ST18: variants seen among roughly 807,000 people sequenced by gnomAD.
The protein encoded by ST18 is ST18 C2H2C-type zinc finger transcription factor.
ST18 carries 50 observed loss-of-function variants against 110.0 expected under a neutral mutation model. The observed-to-expected ratio is 0.45, with a 90% CI of 0.36 to 0.58. The LOEUF (loss-of-function observed/expected upper bound fraction) is 0.58. ST18 is among the 20% of genes least tolerant of loss of function. The pLI, the probability that ST18 is intolerant of heterozygous loss-of-function variation, is 0.00. For synonymous variants in ST18, 461 were observed against 452.4 expected (o/e 1.02, Z -0.24); for missense variants, 1,306 against 1,280.1 (o/e 1.02, Z -0.31).
intron 8 of ST18, among the ~76,000 whole-genome samples, chr8:52,208,769 GA>G (rs1393153860): frequency 2.6e-5 from 4 of 152,232 alleles, no homozygotes; most frequent in African/African-American, 9.6e-5. Flanking sequence ...AGTGAGCCCA[GA>G]TCGCGCCACT....
intron 2 of ST18, among the ~76,000 whole-genome samples, chr8:52,282,268 T>C (rs1456782958): frequency 6.6e-6 from 1 of 152,034 alleles, no homozygotes; most frequent in Non-Finnish European, 1.5e-5. Context: ...CCTGTGAACA[T>C]AGACAAAAAT....
intron 2 of ST18, among the ~76,000 whole-genome samples, chr8:52,365,490 GA>G (rs1175308870): frequency 6.6e-6 from 1 of 151,168 alleles, no homozygotes. Context: ...AGGTGTTCCT[GA>G]AAAAAAGACT....
intron 2 of ST18, among the ~76,000 whole-genome samples, chr8:52,255,930 T>C (rs2094514191): frequency 6.6e-6 from 1 of 152,202 alleles, no homozygotes; most frequent in Non-Finnish European, 1.5e-5. Flanking sequence ...TCCCTCACAG[T>C]GTTTTGGTTT....
At chr8:52,153,524 C>T (rs1348076910) in intron 15 of ST18, among the ~76,000 whole-genome samples, 1 of 152,178 alleles carries the variant, frequency 6.6e-6, no homozygotes, top group Non-Finnish European at 1.5e-5. Context: ...ATATCTTACT[C>T]TTACTAAACG....
intron 19 of ST18, 30 bp downstream of exon 19, chr8:52,136,560 G>A (rs2052423517): frequency 6.3e-7 from 1 of 1,595,538 alleles, no homozygotes; most frequent in South Asian, 1.1e-5. Context: ...TGTGGATGAA[G>A]GGCAAGCCGG....
chr8:52,335,240 A>G (rs1811489718), intron 2 of ST18, among the ~76,000 whole-genome samples: 2 of 152,166 alleles, frequency 1.3e-5, no homozygotes, highest in African/African-American at 2.4e-5. Flanking sequence ...AATTTTAAAT[A>G]AGTAAATATT....
At chr8:52,198,681 G>C (rs1409301666) in intron 8 of ST18, among the ~76,000 whole-genome samples, 1 of 152,146 alleles carries the variant, frequency 6.6e-6, no homozygotes, top group South Asian at 2.1e-4. Context: ...ATATCTCTAT[G>C]TGTGAGTGTG....
At chr8:52,269,177 T>G (rs1006228472) in intron 2 of ST18, among the ~76,000 whole-genome samples, 15 of 152,194 alleles carry the variant, frequency 9.9e-5, no homozygotes, top group Admixed American at 5.2e-4. Flanking sequence ...ACTTTACACC[T>G]GAATAAGTGA....
chr8:52,158,640 G>A (rs1341474578), intron 15 of ST18, among the ~76,000 whole-genome samples: 1 of 152,140 alleles, frequency 6.6e-6, no homozygotes, highest in Non-Finnish European at 1.5e-5. Context: ...ACCCATCTCT[G>A]TAACTCACTT....
chr8:52,406,498 C>G (rs772973301), intron 2 of ST18: 1 of 152,218 alleles, frequency 6.6e-6, no homozygotes, highest in Non-Finnish European at 1.5e-5. Context: ...TTGGGGCCAC[C>G]TAGGGTAAGA....
chr8:52,367,234 T>TCACACACACACACACA (rs1491543543), intron 2 of ST18, among the ~76,000 whole-genome samples: 17,771 of 103,860 alleles, frequency 0.17, 2,122 homozygotes, highest in Non-Finnish European at 0.23. Context: ...CGGGACCCTG[T>TCACACACACACACACA]CTCACACACA....
intron 2 of ST18, among the ~76,000 whole-genome samples, chr8:52,278,804 G>A (rs181000455): frequency 1.6e-4 from 25 of 152,198 alleles, no homozygotes; most frequent in Admixed American, 1.3e-4. Context: ...ACAAGAATCC[G>A]GCCCTCACAT....
At chr8:52,355,679 T>C (rs1822390399) in intron 2 of ST18, among the ~76,000 whole-genome samples, 1 of 152,192 alleles carries the variant, frequency 6.6e-6, no homozygotes. Flanking sequence ...CAGTAAAAGA[T>C]ACCGTGTCAT....
In ST18 at chr8:52,132,125, T is replaced by G; in HGVS notation, c.2499A>C (p.Ser833=). 6.2e-7 allele frequency: 1 copy of G among 1,614,102 alleles called. No individual in the cohort carries two copies. The highest frequency in any genetic ancestry group is 8.5e-7 in the Non-Finnish European group (1 of 1,180,036). Residue 833 remains serine, a synonymous_variant, in exon 22 of 26, where the codon TCA becomes TCC. Coordinates refer to ENST00000689386, the MANE Select transcript of ST18 (RefSeq NM_001352837.2). ...GAGGACAGCCAGAAGCTGTGCGGTGTGATGTGTATTTACCTGATATGTGAC... is the reference window on the plus strand; with the variant it reads ...GAGGACAGCCAGAAGCTGTGCGGTGGGATGTGTATTTACCTGATATGTGAC... ...GQGHISGKYT[S]HRTASGCPLA...
At chr8:52,165,831 C>G (rs963196624) in intron 11 of ST18, among the ~76,000 whole-genome samples, 16 of 152,196 alleles carry the variant, frequency 1.1e-4, no homozygotes, top group Non-Finnish European at 2.1e-4. Context: ...TAAGCACTTC[C>G]ATTTTTGCAA....
At chr8:52,406,108 A>C (rs1360527311) in intron 2 of ST18, 2 of 152,204 alleles carry the variant, frequency 1.3e-5, no homozygotes, top group Non-Finnish European at 2.9e-5. Flanking sequence ...GACAAGAGTC[A>C]AAATAAAGGG....
Position 52,120,774 on chromosome 8 carries a change from G to C in ST18, c.2756-2333C>G, listed in dbSNP as rs1229296500. 2.0e-5 allele frequency among the ~76,000 whole-genome samples: 3 copies of C among 152,316 alleles called. No individual in the cohort carries two copies. The East Asian group carries it at 5.8e-4, about 29-fold the overall frequency. On this transcript the variant is annotated intron_variant, in intron 23 of 25. Coordinates refer to ENST00000689386, the MANE Select transcript of ST18 (RefSeq NM_001352837.2). The stretch of plus-strand genomic sequence containing the variant: ...TTTGAGTAGCGGATAGATTGGAGAA[G>C]AGACAGAGCAGAAGCGAGGAGACCC...
chr8:52,322,565 A>G (rs1804443046), intron 2 of ST18, among the ~76,000 whole-genome samples: 1 of 152,210 alleles, frequency 6.6e-6, no homozygotes, highest in African/African-American at 2.4e-5. Flanking sequence ...ACTCTTTTCA[A>G]TAAAATATCA....
intron 3 of ST18, among the ~76,000 whole-genome samples, chr8:52,229,194 G>A (rs993430378): frequency 2.0e-5 from 3 of 152,140 alleles, no homozygotes; most frequent in African/African-American, 7.2e-5. Flanking sequence ...CTATTGGTGG[G>A]CTTATTCTAT....
Sources: allele counts gnomAD v4.1 joint callset (sites outside exome capture counted in the v4.1 genomes callset), GRCh38; gene constraint gnomAD v4.1.1; transcripts MANE v1.5; gene names NCBI Gene and HGNC (gene_info 2026-07-23, HGNC 2026-07-21).